Variants in SNAP23 observed in about 807,000 individuals in gnomAD.
SNAP23 encodes the protein synaptosomal-associated protein 23.
Under a neutral mutation model 29.0 loss-of-function variants are expected in SNAP23, and 11 were observed. The ratio of observed to expected loss-of-function variants is 0.38; its 90% CI spans 0.24 to 0.63. The LOEUF (loss-of-function observed/expected upper bound fraction) is 0.63, where lower values mean the gene tolerates loss of function less well. SNAP23 is among the 20% of genes least tolerant of loss of function. The pLI is 0.58. For missense variants in SNAP23, 220 were observed against 253.9 expected (o/e 0.87, Z 0.91); for synonymous variants, 60 against 82.9 (o/e 0.72, Z 1.50).
chr15:42,523,238 G>A (rs1416803885), intron 5 of SNAP23, among the ~76,000 whole-genome samples: 3 of 151,298 alleles, frequency 2.0e-5, no homozygotes, highest in African/African-American at 7.3e-5. Flanking sequence ...ACAGTCAGTT[G>A]TAAATCTAAG....
intron 1 of SNAP23, among the ~76,000 whole-genome samples, chr15:42,506,188 G>A (rs1004136402): frequency 6.6e-6 from 1 of 151,456 alleles, no homozygotes. Context: ...CTTGTGATCC[G>A]CCAACCTCGG....
chr15:42,521,565 A>T (rs759462183), intron 5 of SNAP23: 227 of 1,521,184 alleles, frequency 1.5e-4, no homozygotes, highest in Non-Finnish European at 1.9e-4. Flanking sequence ...TCTGCATTTC[A>T]TTCTCTCACC....
At chr15:42,526,359 C>T (rs1461545150) in intron 5 of SNAP23, among the ~76,000 whole-genome samples, 2 of 152,012 alleles carry the variant, frequency 1.3e-5, no homozygotes, top group Non-Finnish European at 2.9e-5. Context: ...TTAATAAAAA[C>T]AGCATAGAAA....
chr15:42,499,439 G>A (rs1298193261), intron 1 of SNAP23, among the ~76,000 whole-genome samples: 4 of 152,036 alleles, frequency 2.6e-5, no homozygotes, highest in Admixed American at 6.6e-5. Context: ...ACAAAAACAG[G>A]CCTGTACTCA....
rs1040385682 is a variant in SNAP23 at position 42,532,723 on chromosome 15, A to C, written c.*1245A>C. 6.5e-5 allele frequency: 10 copies of C among 152,682 alleles called. No homozygotes were observed. Among genetic ancestry groups the C allele is most frequent in the Non-Finnish European group, 8.8e-5 (6 of 68,042 alleles). 9.5% of individuals were successfully genotyped at this position (152,682 alleles called of 1,614,324 possible). A position where few individuals can be genotyped will look rare whatever the true frequency, so the allele number is the denominator to read the frequency against. The stretch of plus-strand genomic sequence containing the variant: ...AATTATGTTTAGTTAGGAAAAAGGA[A>C]AGTCATTTTGACCTCAGGTAGAAAA... On this transcript the variant is annotated 3_prime_UTR_variant, in exon 8 of 8. Transcript: ENST00000249647.
At chr15:42,491,349 C>G (rs1011276236), upstream of SNAP23, 47 of 152,476 alleles carry the variant, frequency 3.1e-4, 1 homozygote, top group African/African-American at 1.0e-3. Flanking sequence ...CTTTTTCATT[C>G]TCCTTGTTTC....
chr15:42,524,234 T>C (rs967106511), intron 5 of SNAP23, among the ~76,000 whole-genome samples: 1 of 152,184 alleles, frequency 6.6e-6, no homozygotes, highest in Admixed American at 6.6e-5. Flanking sequence ...TCTAAAGTAC[T>C]CCTCCTGGAT....
chr15:42,518,974 C>A (rs186680799), intron 5 of SNAP23, among the ~76,000 whole-genome samples: 1 of 151,916 alleles, frequency 6.6e-6, no homozygotes, highest in African/African-American at 2.4e-5. Context: ...GTGATCCCCC[C>A]ACCTCAGCCT....
rs536122152 is a variant in SNAP23, at chr15:42,495,671, G to A, written c.-57G>A. 6.6e-6 allele frequency: 1 copy of A among 152,626 alleles called. No homozygotes were observed. Among genetic ancestry groups the A allele is most frequent in the East Asian group, 1.9e-4 (1 of 5,188 alleles). The allele number at this position is 152,626 out of a possible 1,614,324, so 9.5% of individuals were successfully genotyped here. On this transcript the variant is annotated 5_prime_UTR_variant, in exon 1 of 8. Coordinates refer to ENST00000249647, the MANE Select transcript of SNAP23 (RefSeq NM_003825.4). ...GGTGCAGCGCCAGGTCCGGTGTTGGGGTGTCCGAGTTGCCGCCGGAGAGGA... is the reference window on the plus strand; with the variant it reads ...GGTGCAGCGCCAGGTCCGGTGTTGGAGTGTCCGAGTTGCCGCCGGAGAGGA...
At chr15:42,524,903 G>C (rs2057484327) in intron 5 of SNAP23, among the ~76,000 whole-genome samples, 1 of 152,198 alleles carries the variant, frequency 6.6e-6, no homozygotes, top group Non-Finnish European at 1.5e-5. Flanking sequence ...ACAGGGTCTT[G>C]AGCAACCAAA....
Position 42,531,701 on chromosome 15 carries a change from T to TA in SNAP23, c.*224dup, listed in dbSNP as rs1341739474. ...TATTTTCTTTCTCAATTCATACGCTTAGATTGGTTTTCATATGTCATGTTT... is the reference window on the plus strand; with the variant it reads ...TATTTTCTTTCTCAATTCATACGCTTAAGATTGGTTTTCATATGTCATGTTT... On this transcript the variant is annotated 3_prime_UTR_variant, in exon 8 of 8. Transcript: ENST00000249647. 7.5e-6 allele frequency: 3 copies of TA among 398,690 alleles called. No homozygotes were observed. The highest frequency in any genetic ancestry group is 6.2e-5 in the African/African-American group (3 of 48,312). 24.7% of individuals were successfully genotyped at this position (398,690 alleles called of 1,614,324 possible).
At position 42,512,968 on chromosome 15, in the gene SNAP23, C is replaced by T. The variant is rs747995484; in HGVS notation, c.71C>T (p.Thr24Met). Residue 24 changes from threonine (T) to methionine (M), a missense_variant, in exon 3 of 8, where the codon ACG becomes ATG. Coordinates refer to ENST00000249647, the MANE Select transcript of SNAP23 (RefSeq NM_003825.4). The part of the protein sequence containing the change: ...HQITDESLES[T>M]RRILGLAIES... The stretch of plus-strand genomic sequence containing the variant: ...GTTCTTTCCTAGTCTCTGGAAAGTA[C>T]GAGGAGAATCCTGGGTTTAGCCATT... The T allele has an allele frequency of 8.1e-6, 13 of 1,611,390 alleles. No homozygotes were observed. The highest frequency in any genetic ancestry group is 2.2e-5 in the East Asian group (1 of 44,886).
intron 1 of SNAP23, among the ~76,000 whole-genome samples, chr15:42,508,866 A>G (rs1160721108): frequency 6.6e-6 from 1 of 152,220 alleles, no homozygotes; most frequent in African/African-American, 2.4e-5. Context: ...CCCACAGGAT[A>G]CTATATCTGA....
At chr15:42,496,242 CT>C (rs992729507) in intron 1 of SNAP23, among the ~76,000 whole-genome samples, 10 of 152,182 alleles carry the variant, frequency 6.6e-5, no homozygotes, top group African/African-American at 2.4e-4. Context: ...TCATCTCGTC[CT>C]TTTTTTCTTC....
chr15:42,491,901 T>TTTATTTATTTAGTTAGTTAG (rs1555433008), upstream of SNAP23, among the ~76,000 whole-genome samples: 37 of 146,976 alleles, frequency 2.5e-4, no homozygotes, highest in Admixed American at 9.6e-4. Flanking sequence ...TATTTATTTA[T>TTTATTTATTTAGTTAGTTAG]TTAGTTAGTT....
chr15:42,517,159 A>G (rs57249373), intron 5 of SNAP23, among the ~76,000 whole-genome samples: 7,242 of 152,242 alleles, frequency 0.048, 575 homozygotes, highest in African/African-American at 0.16. Flanking sequence ...ACCTCAGGTG[A>G]TCTGCCCGCC....
intron 1 of SNAP23, among the ~76,000 whole-genome samples, chr15:42,506,132 G>A (rs1390264900): frequency 1.3e-5 from 2 of 151,514 alleles, no homozygotes; most frequent in Non-Finnish European, 2.9e-5. Context: ...TTTTAGTAGA[G>A]ATGGGGTTTC....
At chr15:42,496,152 A>C (rs1216880223) in intron 1 of SNAP23, among the ~76,000 whole-genome samples, 3 of 152,188 alleles carry the variant, frequency 2.0e-5, no homozygotes, top group African/African-American at 7.2e-5. Flanking sequence ...TTACTGCACA[A>C]ATTAGAGGAT....
At chr15:42,525,247 A>G (rs1454015458) in intron 5 of SNAP23, among the ~76,000 whole-genome samples, 1 of 151,434 alleles carries the variant, frequency 6.6e-6, no homozygotes, top group Admixed American at 6.6e-5. Flanking sequence ...AGGCGCCTGT[A>G]GTCCCAGCTA....
Sources: allele counts gnomAD v4.1 joint callset (sites outside exome capture counted in the v4.1 genomes callset), GRCh38; gene constraint gnomAD v4.1.1; transcripts MANE v1.5; gene names NCBI Gene and HGNC (gene_info 2026-07-23, HGNC 2026-07-21).